The following NEXMIF variants were observed in gnomAD, a reference collection of about 807,000 sequenced individuals.
NEXMIF encodes the protein XLMR protein related to neurite extension.
In NEXMIF, 8 loss-of-function variants were observed where a neutral mutation model predicts 62.1. That is an observed-to-expected ratio of 0.13 (90% CI 0.08 to 0.23). NEXMIF has a LOEUF of 0.23. NEXMIF is among the 10% of genes least tolerant of loss of function. The pLI, the probability that NEXMIF is intolerant of heterozygous loss-of-function variation, is 1.00. For missense variants in NEXMIF, 976 were observed against 1,113.3 expected (o/e 0.88, Z 1.75); for synonymous variants, 404 against 416.6 (o/e 0.97, Z 0.37).
chrX:74,747,190 C>G (rs2147443263), intron 1 of NEXMIF, among the ~76,000 whole-genome samples: 1 of 112,119 alleles, frequency 8.9e-6, no homozygotes, highest in South Asian at 3.7e-4. Context: ...CTAAGTCCAT[C>G]TTGGCAGGAA....
intron 1 of NEXMIF, among the ~76,000 whole-genome samples, chrX:74,880,377 G>T (rs976507536): frequency 9.0e-6 from 1 of 111,554 alleles, no homozygotes; most frequent in African/African-American, 3.3e-5. Context: ...GTGACTTCAT[G>T]ATGATGGCCT....
At chrX:74,857,281 G>T (rs1347472512) in intron 1 of NEXMIF, among the ~76,000 whole-genome samples, 1 of 112,219 alleles carries the variant, frequency 8.9e-6, no homozygotes, top group African/African-American at 3.2e-5. Flanking sequence ...AGAGGAGAGG[G>T]AAGAGTAAAG....
At chrX:74,901,762 C>T (rs933327060) in intron 1 of NEXMIF, among the ~76,000 whole-genome samples, 3 of 111,381 alleles carry the variant, frequency 2.7e-5, no homozygotes, top group African/African-American at 6.5e-5. Context: ...GTAGGCACTC[C>T]CTAAGTACAT....
At chrX:74,851,635 A>G (rs192704832) in intron 1 of NEXMIF, among the ~76,000 whole-genome samples, 5 of 111,576 alleles carry the variant, frequency 4.5e-5, no homozygotes, top group African/African-American at 1.6e-4. Context: ...TACCCAGCAA[A>G]GTTAACATTC....
At chrX:74,879,516 C>A (rs952574579) in intron 1 of NEXMIF, among the ~76,000 whole-genome samples, 5 of 111,888 alleles carry the variant, frequency 4.5e-5, no homozygotes, top group African/African-American at 1.6e-4. Context: ...TACATTTGGA[C>A]AATTTGTCAT....
intron 1 of NEXMIF, among the ~76,000 whole-genome samples, chrX:74,822,587 AAT>A (rs746049704): frequency 1.5e-4 from 17 of 112,381 alleles, no homozygotes; most frequent in South Asian, 3.7e-4. Flanking sequence ...AAAGAGTCTG[AAT>A]AGACATTTCT....
rs2080384213 is a variant in NEXMIF at position 74,818,685 on chromosome X, G to A, written c.-47-72988C>T. 3.6e-5 allele frequency among the ~76,000 whole-genome samples: 4 copies of A among 111,903 alleles called. No individual in the cohort carries two copies. In the Admixed American group the frequency reaches 3.8e-4, roughly 11 times the overall value. On this transcript the variant is annotated intron_variant, in intron 1 of 3. Coordinates refer to ENST00000055682, the MANE Select transcript of NEXMIF (RefSeq NM_001008537.3). Reference sequence around the variant, plus strand: ...AAAGTAAACAGACAACTCACAGAATGGGATAAAATATTTGCAAACTATGCA... The same window carrying A: ...AAAGTAAACAGACAACTCACAGAATAGGATAAAATATTTGCAAACTATGCA...
At chrX:74,773,410 C>A (rs901982393) in intron 1 of NEXMIF, among the ~76,000 whole-genome samples, 4 of 111,322 alleles carry the variant, frequency 3.6e-5, no homozygotes, top group African/African-American at 1.3e-4. Flanking sequence ...GGATTCAAAC[C>A]TAACATTGAG....
intron 1 of NEXMIF, among the ~76,000 whole-genome samples, chrX:74,875,942 C>G (rs193091320): frequency 9.0e-6 from 1 of 110,841 alleles, no homozygotes; most frequent in Non-Finnish European, 1.9e-5. Context: ...TTTCAAAAAA[C>G]CAGCTCCTAG....
chrX:74,739,334 C>A lies in NEXMIF; in HGVS notation c.*71G>T. On this transcript the variant is annotated 3_prime_UTR_variant, in exon 4 of 4. Coordinates refer to ENST00000055682, the MANE Select transcript of NEXMIF (RefSeq NM_001008537.3). The stretch of plus-strand genomic sequence containing the variant: ...AGACGTATTCCCACAATTTAAAATT[C>A]TTTTCTTTAAGCACTTACATGTCAA... 2.8e-6 allele frequency: 2 copies of A among 710,640 alleles called. No individual in the cohort carries two copies. Among genetic ancestry groups the A allele is most frequent in the Admixed American group, 8.2e-5 (2 of 24,501 alleles). The allele number at this position is 710,640 out of a possible 1,213,427, so 58.6% of individuals were successfully genotyped here. A position where few individuals can be genotyped will look rare whatever the true frequency, so the allele number is the denominator to read the frequency against.
chrX:74,915,978 G>A (rs770287404), intron 1 of NEXMIF, among the ~76,000 whole-genome samples: 1 of 112,011 alleles, frequency 8.9e-6, no homozygotes, highest in African/African-American at 3.2e-5. Context: ...TAAGATTTTG[G>A]AAATTTGTTA....
At chrX:74,865,256 A>G (rs1478977727) in intron 1 of NEXMIF, among the ~76,000 whole-genome samples, 1 of 111,780 alleles carries the variant, frequency 8.9e-6, no homozygotes, top group Non-Finnish European at 1.9e-5. Context: ...AATAAGATCC[A>G]GACTGAGGTG....
intron 1 of NEXMIF, among the ~76,000 whole-genome samples, chrX:74,794,728 G>C (rs1019789337): frequency 2.7e-5 from 3 of 111,499 alleles, no homozygotes; most frequent in Non-Finnish European, 5.7e-5. Context: ...GGGTGGGAGT[G>C]GCCCGATTTT....
chrX:74,861,648 C>T (rs1169074461), intron 1 of NEXMIF, among the ~76,000 whole-genome samples: 1 of 111,768 alleles, frequency 8.9e-6, no homozygotes, highest in Non-Finnish European at 1.9e-5. Flanking sequence ...GTGGATCTCT[C>T]AGCAGAAACC....
intron 1 of NEXMIF, among the ~76,000 whole-genome samples, chrX:74,879,493 G>T (rs186092420): frequency 2.7e-5 from 3 of 112,077 alleles, no homozygotes; most frequent in Non-Finnish European, 5.6e-5. Context: ...GAAAAATAAA[G>T]GGGAAAAGTT....
intron 1 of NEXMIF, among the ~76,000 whole-genome samples, chrX:74,810,835 CT>C (rs1364516212): frequency 4.5e-5 from 5 of 111,083 alleles, no homozygotes; most frequent in African/African-American, 1.3e-4. Flanking sequence ...TTGAAAGTGA[CT>C]TAACGACTAA....
At chrX:74,890,264 GT>G (rs79210033) in intron 1 of NEXMIF, among the ~76,000 whole-genome samples, 16,144 of 110,225 alleles carry the variant, frequency 0.15, 1,788 homozygotes, top group East Asian at 0.91. Context: ...GAAAGTATGA[GT>G]CATACTTTAT....
chrX:74,743,936 G>A lies in NEXMIF; in HGVS notation c.621C>T (p.Phe207=). Residue 207 remains phenylalanine, a synonymous_variant, in exon 3 of 4, where the codon TTC becomes TTT. Coordinates refer to ENST00000055682, the MANE Select transcript of NEXMIF (RefSeq NM_001008537.3). ...EQLLSDQLLG[F]PLHKSRAGDR... is the part of the protein sequence containing the mutation. ...CTCCTGCCCTTGACTTATGCAGGGG[G>A]AAGCCTAGGAGCTGGTCTGAGAGCA... The A allele has an allele frequency of 1.7e-6, 2 of 1,210,890 alleles. No homozygotes were observed. Among genetic ancestry groups the A allele is most frequent in the Admixed American group, 2.2e-5 (1 of 46,008 alleles).
At chrX:74,904,272 T>C (rs1401224037) in intron 1 of NEXMIF, among the ~76,000 whole-genome samples, 2 of 111,638 alleles carry the variant, frequency 1.8e-5, no homozygotes, top group African/African-American at 6.5e-5. Context: ...CCTAGAAATG[T>C]CTACCTAGAT....
Sources: allele counts gnomAD v4.1 joint callset (sites outside exome capture counted in the v4.1 genomes callset), GRCh38; gene constraint gnomAD v4.1.1; transcripts MANE v1.5; gene names NCBI Gene and HGNC (gene_info 2026-07-23, HGNC 2026-07-21).